CIMIP2A: variants seen among roughly 807,000 people sequenced by gnomAD.
CIMIP2A encodes family with sequence similarity 166 member A.
the CIMIP2A span, chr9:137,247,842 C>T: frequency 3.3e-6 from 3 of 897,284 alleles, no homozygotes; most frequent in African/African-American, 1.6e-5. Flanking sequence ...TGGGCCAGGC[C>T]ACCTCGCTAA....
At chr9:137,252,923 T>C in the CIMIP2A span, 1 of 1,600,244 alleles carries the variant, frequency 6.2e-7, no homozygotes, top group Non-Finnish European at 8.5e-7. Context: ...GCCGGCCTTC[T>C]CGATGAGCCG....
At chr9:137,245,150 G>A in the CIMIP2A span, 9 of 1,589,352 alleles carry the variant, frequency 5.7e-6, no homozygotes, top group Non-Finnish European at 7.7e-6. Context: ...GCTGGAAGCT[G>A]CCCACATCTA....
chr9:137,251,744 G>A, the CIMIP2A span: 22 of 1,567,190 alleles, frequency 1.4e-5, no homozygotes, highest in South Asian at 2.3e-4. Context: ...GCAGGCCCAA[G>A]GCATCTGTGC....
At chr9:137,245,362 C>G in the CIMIP2A span, 1 of 1,610,648 alleles carries the variant, frequency 6.2e-7, no homozygotes, top group Admixed American at 1.7e-5. Context: ...GGCCTCTTCC[C>G]CGTATACTGG....
At chr9:137,247,758 A>C in the CIMIP2A span, 49 of 1,595,914 alleles carry the variant, frequency 3.1e-5, no homozygotes, top group Admixed American at 6.4e-4. Context: ...CCCTCCCGGC[A>C]TCCAGCTCCC....
At chr9:137,245,431 T>C in the CIMIP2A span, 1 of 1,613,776 alleles carries the variant, frequency 6.2e-7, no homozygotes, top group South Asian at 1.1e-5. Context: ...GTGCGGGGTG[T>C]CGGGCGTGAA....
At chr9:137,252,059 C>A in the CIMIP2A span, 1 of 1,613,128 alleles carries the variant, frequency 6.2e-7, no homozygotes, top group Non-Finnish European at 8.5e-7. Flanking sequence ...CCACCAGGTA[C>A]CAGGTGCCGA....
chr9:137,251,292 G>T, the CIMIP2A span: 1 of 1,609,480 alleles, frequency 6.2e-7, no homozygotes, highest in Non-Finnish European at 8.5e-7. Flanking sequence ...CTCTGATGAT[G>T]AATTCTGACC....
At chr9:137,252,874 CAAT>C in the CIMIP2A span, 1 of 1,589,798 alleles carries the variant, frequency 6.3e-7, no homozygotes, top group Admixed American at 1.8e-5. Flanking sequence ...CCAACACCTA[CAAT>C]ATCCTTCCTG....
chr9:137,251,959 G>A, the CIMIP2A span: 7 of 1,597,766 alleles, frequency 4.4e-6, no homozygotes, highest in Admixed American at 3.5e-5. Context: ...GGAGGGGCCC[G>A]CTGAAAGGAG....
chr9:137,246,090 C>G, the CIMIP2A span, among the ~76,000 whole-genome samples: 1 of 152,248 alleles, frequency 6.6e-6, no homozygotes, highest in Non-Finnish European at 1.5e-5. Flanking sequence ...GTCAGCACCA[C>G]AGCAGATGGC....
chr9:137,252,562 G>A, the CIMIP2A span: 183 of 1,472,582 alleles, frequency 1.2e-4, 2 homozygotes, highest in South Asian at 1.9e-3. Flanking sequence ...GGGAGTCCAC[G>A]CAGGCAGGGG....
the CIMIP2A span, chr9:137,244,894 C>G: frequency 6.3e-7 from 1 of 1,577,568 alleles, no homozygotes; most frequent in Non-Finnish European, 8.6e-7. Flanking sequence ...AACAGGCAGG[C>G]AAGGCACCGC....
At chr9:137,243,661 C>T in the CIMIP2A span, 5 of 1,614,086 alleles carry the variant, frequency 3.1e-6, no homozygotes, top group South Asian at 2.2e-5. Context: ...TTTTCCCTGT[C>T]CACATCCATG....
At chr9:137,245,037 A>G in the CIMIP2A span, 1 of 1,609,658 alleles carries the variant, frequency 6.2e-7, no homozygotes, top group Non-Finnish European at 8.5e-7. Flanking sequence ...ACACTGCAAG[A>G]ACCTTGTGGG....
At chr9:137,252,905 C>A in the CIMIP2A span, 2 of 1,598,422 alleles carry the variant, frequency 1.3e-6, no homozygotes, top group Non-Finnish European at 1.7e-6. Context: ...CCTGCAGAGC[C>A]CCCGCTCGCC....
the CIMIP2A span, chr9:137,244,525 C>T: frequency 5.9e-6 from 9 of 1,519,792 alleles, no homozygotes; most frequent in Admixed American, 4.0e-5. Flanking sequence ...CAGGCAGAGC[C>T]CCCTCCTCAG....
chr9:137,245,077 G>A, the CIMIP2A span: 4 of 1,610,730 alleles, frequency 2.5e-6, no homozygotes, highest in Admixed American at 1.7e-5. Context: ...CCCAGCCCAG[G>A]CCCACACCCA....
the CIMIP2A span, among the ~76,000 whole-genome samples, chr9:137,248,006 T>A: frequency 6.6e-6 from 1 of 152,114 alleles, no homozygotes. Flanking sequence ...GGGCCTGGGC[T>A]CTTGCTGCCC....
Sources: gnomAD v4.1 joint callset for allele counts (sites outside exome capture counted in the v4.1 genomes callset) on GRCh38, gnomAD v4.1.1 for gene constraint, MANE v1.5 for transcripts, NCBI Gene and HGNC (gene_info 2026-07-23, HGNC 2026-07-21) for gene names.